SAMMSON: variants seen among roughly 807,000 people sequenced by gnomAD.
SAMMSON encodes survival associated mitochondrial melanoma specific oncogenic non-coding RNA.
intron 4 of SAMMSON, among the ~76,000 whole-genome samples, chr3:70,173,809 A>C (rs1357504875): frequency 6.6e-6 from 1 of 151,920 alleles, no homozygotes; most frequent in Non-Finnish European, 1.5e-5. Flanking sequence ...ACTAATACTC[A>C]TAAAGTTTTC....
At chr3:70,306,416 T>C (rs1029763482) in intron 7 of SAMMSON, among the ~76,000 whole-genome samples, 2 of 152,174 alleles carry the variant, frequency 1.3e-5, no homozygotes, top group African/African-American at 4.8e-5. Context: ...CGGCCAATAA[T>C]CGTTTTTATA....
At chr3:70,036,635 G>A (rs2067086198) in intron 3 of SAMMSON, among the ~76,000 whole-genome samples, 1 of 152,102 alleles carries the variant, frequency 6.6e-6, no homozygotes, top group Non-Finnish European at 1.5e-5. Flanking sequence ...ATAGCCATGT[G>A]ACTGCCACTG....
At chr3:70,401,919 A>G (rs1701144440) in intron 2 of SAMMSON, among the ~76,000 whole-genome samples, 2 of 152,220 alleles carry the variant, frequency 1.3e-5, no homozygotes, top group South Asian at 2.1e-4. Flanking sequence ...ATAAACCTTT[A>G]CTAAAGAAGT....
intron 4 of SAMMSON, chr3:70,127,907 G>T (rs1027307380): frequency 1.3e-5 from 2 of 152,264 alleles, no homozygotes; most frequent in Admixed American, 6.5e-5. Context: ...CTCCCAAAGT[G>T]CTGGGATTAC....
chr3:70,101,088 T>C (rs1282218534), intron 4 of SAMMSON, among the ~76,000 whole-genome samples: 3 of 152,152 alleles, frequency 2.0e-5, no homozygotes, highest in Non-Finnish European at 4.4e-5. Context: ...AGATATTTAG[T>C]CTTAGGGAAA....
chr3:70,063,411 T>C (rs2067197800), intron 3 of SAMMSON, among the ~76,000 whole-genome samples: 1 of 152,140 alleles, frequency 6.6e-6, no homozygotes, highest in South Asian at 2.1e-4. Flanking sequence ...TTCCTTGCTC[T>C]TGCTTGAAGA....
chr3:70,365,459 G>T (rs1454567689), intron 9 of SAMMSON, among the ~76,000 whole-genome samples: 2 of 151,574 alleles, frequency 1.3e-5, no homozygotes, highest in Admixed American at 1.3e-4. Flanking sequence ...TATGAATTAT[G>T]AATTTATTCT....
At chr3:70,225,858 G>T (rs1445537496) in intron 4 of SAMMSON, among the ~76,000 whole-genome samples, 3 of 152,180 alleles carry the variant, frequency 2.0e-5, no homozygotes, top group Non-Finnish European at 4.4e-5. Context: ...GACAAACGTT[G>T]CTAGTGGAAA....
intron 9 of SAMMSON, among the ~76,000 whole-genome samples, chr3:70,387,812 T>C (rs1268436109): frequency 5.3e-5 from 8 of 152,114 alleles, no homozygotes; most frequent in Non-Finnish European, 8.8e-5. Flanking sequence ...TATTAAATGT[T>C]CTACCTACCT....
At chr3:70,430,483 G>A (rs1294114067) in intron 2 of SAMMSON, among the ~76,000 whole-genome samples, 2 of 152,120 alleles carry the variant, frequency 1.3e-5, no homozygotes, top group Non-Finnish European at 2.9e-5. Context: ...GAGTAACATG[G>A]AGCAGTCTAG....
At chr3:70,013,423 A>G (rs929736652) in intron 2 of SAMMSON, 6 of 152,166 alleles carry the variant, frequency 3.9e-5, no homozygotes, top group African/African-American at 1.4e-4. Flanking sequence ...ATTGTAGTCA[A>G]TGGAGCTCCA....
At position 70,429,399 on chromosome 3, in the gene SAMMSON, T is replaced by C. The variant is rs141787732; in HGVS notation, n.234-33161T>C. 3.0e-3 allele frequency among the ~76,000 whole-genome samples: 450 copies of C among 152,320 alleles called. 5 individuals are homozygous for C. The highest frequency in any genetic ancestry group is 9.9e-3 in the African/African-American group (411 of 41,566). ...TAGTATATTTTGAAGTCAGGTAGCA[T>C]GATGCCTCCAGCTTTGTTCTTTTTG... On this transcript the variant is annotated intron_variant and non_coding_transcript_variant, in intron 2 of 3. Coordinates refer to the SAMMSON transcript ENST00000641053.
At chr3:70,070,943 TA>T (rs569546977) in intron 3 of SAMMSON, among the ~76,000 whole-genome samples, 94 of 152,182 alleles carry the variant, frequency 6.2e-4, no homozygotes, top group African/African-American at 1.7e-3. Context: ...AAAAAGGGGT[TA>T]AATTTTAATG....
At chr3:70,270,917 G>A (rs1430241758) in intron 6 of SAMMSON, among the ~76,000 whole-genome samples, 4 of 152,070 alleles carry the variant, frequency 2.6e-5, no homozygotes, top group African/African-American at 9.7e-5. Context: ...ATAGCATGTG[G>A]AGAAATACCT....
intron 4 of SAMMSON, among the ~76,000 whole-genome samples, chr3:70,173,421 T>G (rs1298893056): frequency 6.6e-6 from 1 of 151,976 alleles, no homozygotes; most frequent in Non-Finnish European, 1.5e-5. Flanking sequence ...AATAATGATA[T>G]AAAATTTGTT....
intron 4 of SAMMSON, among the ~76,000 whole-genome samples, chr3:70,139,820 A>AGG (rs2067520716): frequency 6.6e-6 from 1 of 151,976 alleles, no homozygotes; most frequent in South Asian, 2.1e-4. Context: ...TGTGCAATAC[A>AGG]TCTTATTTGG....
chr3:70,276,007 T>C (rs1304569675), intron 6 of SAMMSON, among the ~76,000 whole-genome samples: 2 of 152,116 alleles, frequency 1.3e-5, no homozygotes, highest in Non-Finnish European at 2.9e-5. Flanking sequence ...CAATAAACTT[T>C]TAAAAATATT....
chr3:70,322,071 T>C (rs1325644093), intron 7 of SAMMSON, among the ~76,000 whole-genome samples: 1 of 152,054 alleles, frequency 6.6e-6, no homozygotes, highest in Non-Finnish European at 1.5e-5. Flanking sequence ...TGCAGCAATA[T>C]AAAATATTGC....
intron 6 of SAMMSON, among the ~76,000 whole-genome samples, chr3:70,257,023 C>A (rs923165868): frequency 2.0e-5 from 3 of 152,070 alleles, no homozygotes; most frequent in African/African-American, 7.2e-5. Flanking sequence ...GAGAGAATAT[C>A]ATAATAATTC....
Sources: allele counts gnomAD v4.1 joint callset (sites outside exome capture counted in the v4.1 genomes callset), GRCh38; gene constraint gnomAD v4.1.1; transcripts MANE v1.5; gene names NCBI Gene and HGNC (gene_info 2026-07-23, HGNC 2026-07-21).